CACNA2D4: variants seen among roughly 807,000 people sequenced by gnomAD.
CACNA2D4 encodes voltage-dependent calcium channel subunit alpha-2/delta-4.
CACNA2D4 carries 157 observed loss-of-function variants against 163.8 expected under a neutral mutation model. The ratio of observed to expected loss-of-function variants is 0.96; its 90% CI spans 0.84 to 1.09. The LOEUF (loss-of-function observed/expected upper bound fraction) is 1.09, where lower values mean the gene tolerates loss of function less well. CACNA2D4 is among the 50% of genes least tolerant of loss of function. The pLI is 0.00. For missense variants in CACNA2D4, 1,410 were observed against 1,479.9 expected, an observed-to-expected ratio of 0.95 and a Z score of 0.78; for synonymous variants, 598 against 586.9, an observed-to-expected ratio of 1.02 and a Z score of -0.27.
chr12:1,810,489 C>T (rs1464240931), intron 28 of CACNA2D4, 54 bp downstream of exon 28: 15 of 1,539,068 alleles, frequency 9.7e-6, no homozygotes, highest in East Asian at 4.9e-5. Flanking sequence ...CCAGGAGGAC[C>T]GGGCGGAGGG....
intron 27 of CACNA2D4, among the ~76,000 whole-genome samples, chr12:1,810,813 G>C (rs749810859): frequency 2.3e-4 from 35 of 152,220 alleles, no homozygotes; most frequent in South Asian, 1.2e-3. Flanking sequence ...TCTATGTGTG[G>C]GGTGTCTGTA....
At position 1,839,269 on chromosome 12, in the gene CACNA2D4, C is replaced by T. The variant is rs115837287; in HGVS notation, c.2551+1470G>A. On this transcript the variant is annotated intron_variant, in intron 26 of 37. Transcript: ENST00000382722. ...TTCACGGAGCCAGGATGGCTGAGCT[C>T]GAATGCCTGTTGGATCGCGCAACTT... Among the ~76,000 whole-genome samples, 419 of 152,326 alleles carry T rather than the reference C, an allele frequency of 2.8e-3. 2 individuals carry two copies. The highest frequency in any genetic ancestry group is 9.0e-3 in the African/African-American group (376 of 41,552).
rs370532354 is a variant in CACNA2D4 at position 1,874,634 on chromosome 12, C to G, written c.1848G>C (p.Ser616=). ...AMINRETGTL[S]MDVKVPMDKG... ...TATCCATCGGAACCTTCACATCCAT[C>G]GAGAGAGTACCTGTTTCCCTATTGA... Residue 616 remains serine (S), a synonymous_variant, in exon 18 of 38, where the codon TCG becomes TCC. Transcript: ENST00000382722. The surrounding 1 kb of genome is among the most constrained non-coding windows in gnomAD (Gnocchi z 4.4). 3.1e-6 allele frequency: 5 copies of G among 1,613,182 alleles called. No individual in the cohort carries two copies. The highest frequency in any genetic ancestry group is 2.7e-5 in the African/African-American group (2 of 74,870).
intron 29 of CACNA2D4, chr12:1,809,408 T>C (rs146761598): frequency 0.035 from 21,940 of 631,802 alleles, 504 homozygotes; most frequent in Middle Eastern, 0.047. Flanking sequence ...TTCTAATTAG[T>C]AGCAAAGCTC....
At chr12:1,872,538 A>G (rs537232086) in intron 18 of CACNA2D4, among the ~76,000 whole-genome samples, 1 of 152,306 alleles carries the variant, frequency 6.6e-6, no homozygotes, top group South Asian at 2.1e-4. Context: ...AAGTTGAGAC[A>G]CACCACTGAG....
chr12:1,880,300 A>G (rs1865967248), intron 13 of CACNA2D4, among the ~76,000 whole-genome samples: 1 of 152,258 alleles, frequency 6.6e-6, no homozygotes, highest in Admixed American at 6.5e-5. Context: ...TAAGGTTGCT[A>G]CAGGTGAGAG....
At position 1,843,343 on chromosome 12, in the gene CACNA2D4, G is replaced by A. The variant is rs1249833706; in HGVS notation, c.2470+1059C>T. Among the ~76,000 whole-genome samples, 1 of 152,164 alleles carries A rather than the reference G, an allele frequency of 6.6e-6. No individual in the cohort carries two copies. Among genetic ancestry groups the A allele is most frequent in the Non-Finnish European group, 1.5e-5 (1 of 68,018 alleles). ...TTTTTCCATCACGACGCTTGAGGAT[G>A]GTTTGGCAAAGTGGTGGTGGAAGGC... On this transcript the variant is annotated intron_variant, in intron 25 of 37. Transcript: ENST00000382722. The surrounding 1 kb of genome is among the most constrained non-coding windows in gnomAD (Gnocchi z 4.6).
At position 1,797,493 on chromosome 12, in the gene CACNA2D4, G is replaced by GT; in HGVS notation, c.3037dup (p.Thr1013AsnfsTer37). On this transcript the variant is annotated frameshift_variant, in exon 35 of 38. Coordinates refer to ENST00000382722, the MANE Select transcript of CACNA2D4 (RefSeq NM_172364.5). LOFTEE classifies it high-confidence loss of function. ...CTGGTACACGAACACGGGGTACTCCGTGTCGCAGGGCTGCAGCGGGTCCTG... is the reference window on the plus strand; with the variant it reads ...CTGGTACACGAACACGGGGTACTCCGTTGTCGCAGGGCTGCAGCGGGTCCTG... 1 of 1,584,802 alleles carries GT rather than the reference G, an allele frequency of 6.3e-7. No individual in the cohort carries two copies. The highest frequency in any genetic ancestry group is 2.3e-5 in the East Asian group (1 of 43,418).
At chr12:1,896,194 A>G (rs372949688) in intron 6 of CACNA2D4, among the ~76,000 whole-genome samples, 1 of 152,206 alleles carries the variant, frequency 6.6e-6, no homozygotes, top group Admixed American at 6.5e-5. Flanking sequence ...TTTTATGGAT[A>G]AGACCTCAAA....
At position 1,870,465 on chromosome 12, in the gene CACNA2D4, C is replaced by A. The variant is rs558012181; in HGVS notation, c.1878+4139G>T. Among the ~76,000 whole-genome samples the A allele has an allele frequency of 4.0e-5, 6 of 151,770 alleles. No individual in the cohort carries two copies. In the East Asian group the frequency reaches 1.2e-3, roughly 30 times the overall value. ...ACACTTCACGGTGACAACCTTGCAG[C>A]CTTCTGCTTGAATTCTAGCTGTTGC... is the stretch of plus-strand genomic sequence containing the variant. On this transcript the variant is annotated intron_variant, in intron 18 of 37. Coordinates refer to ENST00000382722, the MANE Select transcript of CACNA2D4 (RefSeq NM_172364.5).
chr12:1,849,937 T>C (rs1031521365), intron 23 of CACNA2D4, among the ~76,000 whole-genome samples: 2 of 152,370 alleles, frequency 1.3e-5, no homozygotes, highest in Non-Finnish European at 2.9e-5. Context: ...AATTCCATTA[T>C]GTGGATCCAC....
In CACNA2D4 at chr12:1,869,538, C is replaced by T. The variant is rs550360278; in HGVS notation, c.1878+5066G>A. ...AGATGTGGGTTTCAGTTTGTTTTCA[C>T]GGATTCCTGTTTTTCCTCTTGAGTT... On this transcript the variant is annotated intron_variant, in intron 18 of 37. Coordinates refer to ENST00000382722, the MANE Select transcript of CACNA2D4 (RefSeq NM_172364.5). The surrounding 1 kb of genome is among the most constrained non-coding windows in gnomAD (Gnocchi z 4.7). Among the ~76,000 whole-genome samples, 48 of 152,324 alleles carry T rather than the reference C, an allele frequency of 3.2e-4. No homozygotes were observed. Among genetic ancestry groups the T allele is most frequent in the Admixed American group, 1.4e-3 (21 of 15,308 alleles).
intron 24 of CACNA2D4, among the ~76,000 whole-genome samples, chr12:1,846,157 G>A (rs531102704): frequency 1.3e-5 from 2 of 152,246 alleles, no homozygotes; most frequent in East Asian, 1.9e-4. Context: ...TTAGGAGTGG[G>A]GAAAAGAGAC....
intron 1 of CACNA2D4, 195 bp from the exon 2 acceptor site, chr12:1,915,130 C>T (rs1866935626): frequency 1.4e-6 from 1 of 704,480 alleles, no homozygotes; most frequent in Non-Finnish European, 2.6e-6. Flanking sequence ...CATACATACC[C>T]CCCACACACA....
chr12:1,797,526 T>G lies in CACNA2D4; in HGVS notation c.3005A>C (p.His1002Pro), dbSNP rs868810865. Reference sequence around the variant, plus strand: ...GGGCTGCAGCGGGTCCTGCTTCTTGTGTTTGTGGGCTGCGGGCGGAGAAAG... The same window carrying G: ...GGGCTGCAGCGGGTCCTGCTTCTTGGGTTTGTGGGCTGCGGGCGGAGAAAG... ...AKSVFHHSHK[H>P]KKQDPLQPCD... The change falls in exon 35 of 38, where the codon CAC becomes CCC. Residue 1002 changes from histidine to proline, a missense_variant. Physicochemically the swap from His to Pro is moderately conservative, Grantham distance 77. Transcript: ENST00000382722. 1 of 1,566,508 alleles carries G rather than the reference T, an allele frequency of 6.4e-7. No individual in the cohort carries two copies.
Position 1,869,691 on chromosome 12 carries a change from AG to A in CACNA2D4, c.1878+4912del, listed in dbSNP as rs750483446. Among the ~76,000 whole-genome samples the A allele has an allele frequency of 2.0e-5, 3 of 152,196 alleles. No individual in the cohort carries two copies. Among genetic ancestry groups the A allele is most frequent in the Non-Finnish European group, 2.9e-5 (2 of 68,040 alleles). ...CCAGCTTTCCATAGATTTCATAAAC[AG>A]CTCCCACAGTTTCATAAGGTCTAAT... is the stretch of plus-strand genomic sequence containing the variant. On this transcript the variant is annotated intron_variant, in intron 18 of 37. Coordinates refer to ENST00000382722, the MANE Select transcript of CACNA2D4 (RefSeq NM_172364.5). The surrounding 1 kb of genome is among the most constrained non-coding windows in gnomAD (Gnocchi z 4.7).
intron 29 of CACNA2D4, among the ~76,000 whole-genome samples, chr12:1,803,823 T>C (rs139344974): frequency 7.5e-4 from 114 of 152,324 alleles, no homozygotes; most frequent in African/African-American, 2.5e-3. Context: ...CTAGTTTGCA[T>C]GGACAGGCAG....
In CACNA2D4 at chr12:1,837,082, C is replaced by T. The variant is rs1035446885; in HGVS notation, c.2551+3657G>A. Among the ~76,000 whole-genome samples the T allele has an allele frequency of 8.5e-5, 13 of 152,196 alleles. 1 individual carries two copies. The highest frequency in any genetic ancestry group is 5.9e-4 in the Admixed American group (9 of 15,288). ...TCTGGGCGACACCGAGGTTGTGGTG[C>T]GAAGGTGAGCTGGGGAGCCCGCCAT... On this transcript the variant is annotated intron_variant, in intron 26 of 37. Transcript: ENST00000382722.
rs1014458228 is a variant in CACNA2D4 at position 1,917,173 on chromosome 12, G to A, written c.227+1074C>T. Among the ~76,000 whole-genome samples, 3 of 152,212 alleles carry A rather than the reference G, an allele frequency of 2.0e-5. No individual in the cohort carries two copies. The highest frequency in any genetic ancestry group is 2.9e-5 in the Non-Finnish European group (2 of 68,042). On this transcript the variant is annotated intron_variant, in intron 1 of 37. Coordinates refer to ENST00000382722, the MANE Select transcript of CACNA2D4 (RefSeq NM_172364.5). The surrounding 1 kb of genome is among the most constrained non-coding windows in gnomAD (Gnocchi z 4.3). ...TTCCTGGCCTTGTGAACTTGGGGAA[G>A]TCACCTGACCTCTCGGGGCCTCTGT...
Sources: allele counts gnomAD v4.1 joint callset (sites outside exome capture counted in the v4.1 genomes callset), GRCh38; gene constraint gnomAD v4.1.1; non-coding constraint Gnocchi (gnomAD v3.1); transcripts MANE v1.5; gene names NCBI Gene and HGNC (gene_info 2026-07-23, HGNC 2026-07-21).